Variants in ITGB5 observed in about 807,000 individuals in gnomAD.
ITGB5 encodes the protein integrin subunit beta 5, also known as integrin beta-5.
In ITGB5, 38 loss-of-function variants were observed where a neutral mutation model predicts 84.8. The observed-to-expected ratio is 0.45, with a 90% CI of 0.35 to 0.59. The LOEUF (loss-of-function observed/expected upper bound fraction) is 0.59, where lower values mean the gene tolerates loss of function less well. Ranked by LOEUF, ITGB5 falls within the 20% of genes least tolerant of loss-of-function variation. The probability of loss-of-function intolerance (pLI) is 0.01; values close to 1 mark genes in which losing one functional copy is unlikely to be tolerated. For synonymous variants in ITGB5, 393 were observed against 414.4 expected, an observed-to-expected ratio of 0.95 and a Z score of 0.63; for missense variants, 905 against 1,034.5, an observed-to-expected ratio of 0.87 and a Z score of 1.72.
At position 124,887,004 on chromosome 3, in the gene ITGB5, G is replaced by T. The variant is rs1934850599; in HGVS notation, c.-4C>A. 2.5e-6 allele frequency: 3 copies of T among 1,180,310 alleles called. No homozygotes were observed. Among genetic ancestry groups the T allele is most frequent in the Middle Eastern group, 3.4e-4 (1 of 2,908 alleles). 73.1% of individuals were successfully genotyped at this position (1,180,310 alleles called of 1,614,324 possible). A position where few individuals can be genotyped will look rare whatever the true frequency, so the allele number is the denominator to read the frequency against. Reference sequence around the variant, plus strand: ...GCGGCGCCGGGGCCCGCGGCATGGTGGGGCGCCTCCCTCAGCGGCGGCGCG... The same window carrying T: ...GCGGCGCCGGGGCCCGCGGCATGGTTGGGCGCCTCCCTCAGCGGCGGCGCG... On this transcript the variant is annotated 5_prime_UTR_variant, in exon 1 of 15. Transcript: ENST00000296181.
chr3:124,834,932 A>C (rs913671080), intron 5 of ITGB5, among the ~76,000 whole-genome samples: 2 of 152,160 alleles, frequency 1.3e-5, no homozygotes, highest in Non-Finnish European at 2.9e-5. Context: ...CTCAGTGGAC[A>C]TTCCAAGCAA....
At chr3:124,843,207 A>C (rs1358167208) in intron 4 of ITGB5, among the ~76,000 whole-genome samples, 1 of 152,214 alleles carries the variant, frequency 6.6e-6, no homozygotes, top group East Asian at 1.9e-4. Flanking sequence ...AGCTGGAAGA[A>C]GGAACTGAGG....
At chr3:124,801,830 G>A (rs1258937347) in intron 9 of ITGB5, among the ~76,000 whole-genome samples, 5 of 152,216 alleles carry the variant, frequency 3.3e-5, no homozygotes, top group African/African-American at 9.6e-5. Context: ...GCCCAAGCCA[G>A]CCACTCTCCC....
intron 9 of ITGB5, among the ~76,000 whole-genome samples, chr3:124,808,464 C>A (rs2064444917): frequency 1.3e-5 from 2 of 152,184 alleles, no homozygotes; most frequent in African/African-American, 4.8e-5. Context: ...CTCCCTCACG[C>A]AAGTCCTTGG....
chr3:124,820,485 G>A (rs2064684540), intron 6 of ITGB5, among the ~76,000 whole-genome samples: 2 of 152,226 alleles, frequency 1.3e-5, no homozygotes. Context: ...CCCGCATCTG[G>A]TGAGGTCCTA....
At chr3:124,813,484 T>C (rs182686052) in intron 8 of ITGB5, among the ~76,000 whole-genome samples, 3 of 152,138 alleles carry the variant, frequency 2.0e-5, no homozygotes, top group East Asian at 3.9e-4. Flanking sequence ...AAGTACTAGG[T>C]TGTCATCTAT....
intron 4 of ITGB5, 37 bp from the exon 5 acceptor site, chr3:124,841,588 T>C (rs1344610010): frequency 1.9e-6 from 3 of 1,602,050 alleles, no homozygotes; most frequent in East Asian, 4.5e-5. Flanking sequence ...TTTTCCATCA[T>C]TGTCTGTAAA....
intron 10 of ITGB5, 97 bp downstream of exon 10, chr3:124,796,291 C>T (rs1218902419): frequency 2.6e-6 from 3 of 1,150,816 alleles, no homozygotes; most frequent in African/African-American, 3.1e-5. Flanking sequence ...GGTAGTGACA[C>T]TTTCTACCAC....
At chr3:124,847,836 A>T (rs192404871) in intron 4 of ITGB5, among the ~76,000 whole-genome samples, 2,658 of 152,304 alleles carry the variant, frequency 0.017, 34 homozygotes, top group Non-Finnish European at 0.027. Flanking sequence ...TGAAAAAAAA[A>T]TTCTTACATT....
chr3:124,818,502 C>CTTTT (rs143582866), intron 7 of ITGB5, among the ~76,000 whole-genome samples: 1 of 68,192 alleles, frequency 1.5e-5, no homozygotes, highest in Non-Finnish European at 2.7e-5. Flanking sequence ...AGTGCATAGG[C>CTTTT]TTTTTTTTTT....
rs2064224817 is a variant in ITGB5, at chr3:124,796,444, G to A, written c.1637C>T (p.Pro546Leu). The A allele has an allele frequency of 6.2e-7, 1 of 1,614,054 alleles. No homozygotes were observed. Among genetic ancestry groups the A allele is most frequent in the African/African-American group, 1.3e-5 (1 of 74,940 alleles). ...FESEFGKIYGPFCECDNFSCA... is the reference protein window; with the variant it reads ...FESEFGKIYGLFCECDNFSCA... ...GGAGAAGTTGTCGCACTCACAGAAA[G>A]GCCCATAGATCTTGCCAAACTCGCT... Residue 546 changes from proline (P) to leucine (L), a missense_variant, in exon 10 of 15, where the codon CCT becomes CTT. Around this residue, in one of 3 missense-constraint regions of ITGB5, gnomAD observed 656 missense variants for 734.7 expected, o/e 0.89. Coordinates refer to ENST00000296181, the MANE Select transcript of ITGB5 (RefSeq NM_002213.5).
intron 12 of ITGB5, among the ~76,000 whole-genome samples, chr3:124,768,794 C>T (rs560560308): frequency 6.3e-4 from 96 of 152,326 alleles, no homozygotes; most frequent in African/African-American, 2.3e-3. Flanking sequence ...GGTGATTCTA[C>T]GTTTGACTTT....
In ITGB5 at chr3:124,796,268, C is replaced by T. The variant is rs1016618996; in HGVS notation, c.1693+120G>A. 13 of 944,930 alleles carry T rather than the reference C, an allele frequency of 1.4e-5. No homozygotes were observed. In the African/African-American group the frequency reaches 1.7e-4, roughly 12 times the overall value. The allele number at this position is 944,930 out of a possible 1,614,324, so 58.5% of individuals were successfully genotyped here. ...AGCAAGGCTTGCCCACTGTCTTCTC[C>T]AAGGAGAGCCATGGTAGTGACACTT... On this transcript the variant is annotated intron_variant, in intron 10 of 14. Transcript: ENST00000296181.
At chr3:124,864,648 C>G (rs1254701767) in intron 2 of ITGB5, among the ~76,000 whole-genome samples, 1 of 151,674 alleles carries the variant, frequency 6.6e-6, no homozygotes, top group Non-Finnish European at 1.5e-5. Context: ...GTTTATGGGT[C>G]GAAAAACTAC....
intron 10 of ITGB5, among the ~76,000 whole-genome samples, chr3:124,785,017 C>A (rs2064060234): frequency 6.6e-6 from 1 of 152,214 alleles, no homozygotes. Flanking sequence ...TGAAGCCTGG[C>A]TGCCGGGACC....
chr3:124,821,813 C>T (rs1424772460), intron 5 of ITGB5, among the ~76,000 whole-genome samples: 3 of 152,174 alleles, frequency 2.0e-5, no homozygotes, highest in Non-Finnish European at 4.4e-5. Flanking sequence ...TGGATGCTTC[C>T]CCTTTTGGCC....
At chr3:124,882,569 G>A (rs1430328797) in intron 1 of ITGB5, among the ~76,000 whole-genome samples, 2 of 152,298 alleles carry the variant, frequency 1.3e-5, no homozygotes, top group East Asian at 3.9e-4. Flanking sequence ...GCAAAGGATC[G>A]AAGGGAAAGT....
intron 9 of ITGB5, among the ~76,000 whole-genome samples, chr3:124,808,257 G>A (rs1372967415): frequency 1.3e-5 from 2 of 152,192 alleles, no homozygotes; most frequent in Non-Finnish European, 2.9e-5. Flanking sequence ...TTTAAGTGTA[G>A]AAGAGAATTA....
intron 3 of ITGB5, among the ~76,000 whole-genome samples, chr3:124,852,903 G>A (rs2065176237): frequency 2.0e-5 from 3 of 152,090 alleles, no homozygotes; most frequent in Admixed American, 2.0e-4. Flanking sequence ...GCCCAGGCTG[G>A]CCTCAAACTC....
Sources: gnomAD v4.1 joint callset for allele counts (sites outside exome capture counted in the v4.1 genomes callset) on GRCh38, gnomAD v4.1.1 for gene constraint, gnomAD v4.1.1 regional missense constraint, MANE v1.5 for transcripts, NCBI Gene and HGNC (gene_info 2026-07-23, HGNC 2026-07-21) for gene names.